ASB10: variants seen among roughly 807,000 people sequenced by gnomAD.
ASB10 encodes the protein ankyrin repeat and SOCS box containing 10.
A neutral mutation model predicts 35.4 loss-of-function variants in ASB10; 44 were observed. That is an observed-to-expected ratio of 1.24 (90% CI 0.98 to 1.60). ASB10 has a LOEUF of 1.60. Ranked by LOEUF, ASB10 falls within the 40% of genes most tolerant of loss-of-function variation. The probability of loss-of-function intolerance (pLI) is 0.00; values close to 1 mark genes in which losing one functional copy is unlikely to be tolerated. For missense variants in ASB10, 647 were observed against 634.3 expected, an observed-to-expected ratio of 1.02 and a Z score of -0.22; for synonymous variants, 294 against 280.4, an observed-to-expected ratio of 1.05 and a Z score of -0.49.
At chr7:151,186,212 C>A (rs1275077223) in intron 2 of ASB10, among the ~76,000 whole-genome samples, 180 bp downstream of exon 2, 2 of 152,186 alleles carry the variant, frequency 1.3e-5, no homozygotes, top group East Asian at 3.8e-4. Flanking sequence ...AAAGTCCAGG[C>A]CACTCCAAAG....
At chr7:151,179,616 G>A (rs1168708038) in intron 3 of ASB10, among the ~76,000 whole-genome samples, 3 of 152,222 alleles carry the variant, frequency 2.0e-5, no homozygotes, top group East Asian at 1.9e-4. Flanking sequence ...ACAGATGGGC[G>A]GTGGAGGCTT....
rs1554476795 is a variant in ASB10, at chr7:151,175,854, C to T, written c.*113G>A. 4.5e-5 allele frequency: 23 copies of T among 506,978 alleles called. No homozygotes were observed. The South Asian group carries it at 6.8e-4, about 15-fold the overall frequency. The allele number at this position is 506,978 out of a possible 1,614,324, so 31.4% of individuals were successfully genotyped here. A position where few individuals can be genotyped will look rare whatever the true frequency, so the allele number is the denominator to read the frequency against. On this transcript the variant is annotated 3_prime_UTR_variant, in exon 6 of 6. Coordinates refer to ENST00000420175, the MANE Select transcript of ASB10 (RefSeq NM_001142459.2). ...TGGGAATTGCAGCATCCACACCTGCCTGCGGAGCTGGGCCTCCTGCTGCCA... is the reference window on the plus strand; with the variant it reads ...TGGGAATTGCAGCATCCACACCTGCTTGCGGAGCTGGGCCTCCTGCTGCCA...
intron 3 of ASB10, among the ~76,000 whole-genome samples, chr7:151,178,440 C>A (rs576339914): frequency 6.6e-6 from 1 of 152,326 alleles, no homozygotes; most frequent in South Asian, 2.1e-4. Context: ...CACTAAGACA[C>A]CCGCTTGTGC....
In ASB10 at chr7:151,186,590, G is replaced by T. The variant is rs753950431; in HGVS notation, c.386C>A (p.Thr129Lys). The change falls in exon 2 of 6, where the codon ACG becomes AAG. Residue 129 changes from threonine (T) to lysine (K), a missense_variant. Thr to Lys is a moderately conservative substitution (Grantham distance 78, BLOSUM62 -1). Transcript: ENST00000420175. ...CCTCAGCAGCAGCCGCAGGACTTCCGTGTGGCCACGGCTGGCTGCCACATG... is the reference window on the plus strand; with the variant it reads ...CCTCAGCAGCAGCCGCAGGACTTCCTTGTGGCCACGGCTGGCTGCCACATG... ...PLHVAASRGH[T>K]EVLRLLLRRR... The T allele has an allele frequency of 1.9e-6, 3 of 1,609,464 alleles. No individual in the cohort carries two copies. Among genetic ancestry groups the T allele is most frequent in the Admixed American group, 1.7e-5 (1 of 59,568 alleles).
At chr7:151,180,194 G>A (rs1243631240) in intron 3 of ASB10, among the ~76,000 whole-genome samples, 2 of 152,226 alleles carry the variant, frequency 1.3e-5, no homozygotes, top group Non-Finnish European at 2.9e-5. Context: ...CATTATCTAT[G>A]CCCCTCCAGA....
chr7:151,186,752 C>G, intron 1 of ASB10, 63 bp downstream of exon 1: 6 of 1,532,838 alleles, frequency 3.9e-6, no homozygotes, highest in Non-Finnish European at 5.3e-6. Flanking sequence ...AAGAGGGAGC[C>G]CAGAGCTCCA....
chr7:151,187,422 G>T (rs1801622686), upstream of ASB10: 1 of 1,550,810 alleles, frequency 6.4e-7, no homozygotes, highest in Non-Finnish European at 8.7e-7. The surrounding 1 kb of genome is among the most constrained non-coding windows in gnomAD (Gnocchi z 5.3). Context: ...CCAGCCCCCT[G>T]GTTCTCAGCA....
intron 2 of ASB10, among the ~76,000 whole-genome samples, chr7:151,184,534 C>T (rs895888619): frequency 2.6e-5 from 4 of 152,176 alleles, no homozygotes; most frequent in Non-Finnish European, 5.9e-5. Context: ...GTGAGGTCCC[C>T]AGAGTGTTCA....
chr7:151,181,136 G>A lies in ASB10; in HGVS notation c.907C>T (p.Arg303Cys), dbSNP rs774168463. The change falls in exon 3 of 6, where the codon CGC becomes TGC. Residue 303 changes from arginine to cysteine, a missense_variant. Transcript: ENST00000420175. ...DKQRPLHLAC[R>C]RGHAAVVELL... is the part of the protein sequence containing the mutation. ...TCCACGACAGCTGCATGGCCACGGC[G>A]GCAGGCCAGGTGCAGGGGTCGCTGC... 9.9e-6 allele frequency: 16 copies of A among 1,611,446 alleles called. No homozygotes were observed. The highest frequency in any genetic ancestry group is 9.9e-5 in the South Asian group (9 of 91,030).
intron 5 of ASB10, 21 bp downstream of exon 5, chr7:151,176,091 C>T (rs1801380127): frequency 6.2e-7 from 1 of 1,608,320 alleles, no homozygotes; most frequent in Admixed American, 1.7e-5. Flanking sequence ...GCTGTGACTG[C>T]TCACAGATCC....
In ASB10 at chr7:151,176,667, G is replaced by A. The variant is rs62489646; in HGVS notation, c.1114C>T (p.Arg372Cys). 0.054 allele frequency: 84,463 copies of A among 1,550,106 alleles called. 2,567 individuals carry two copies. Among genetic ancestry groups the A allele is most frequent in the African/African-American group, 0.097 (7,056 of 73,056 alleles). ...WPGALPKVLE[R>C]WSTCPRTIEV... is the part of the protein sequence containing the mutation. ...ATGGTCCGAGGGCACGTGCTCCAGC[G>A]CTCCAGCACCTGTGGGAGGCAGAGG... The change falls in exon 4 of 6, where the codon CGC (arginine) becomes TGC (cysteine). Residue 372 changes from arginine to cysteine, a missense_variant. Physicochemically the swap from Arg to Cys is radical, Grantham distance 180. Coordinates refer to ENST00000420175, the MANE Select transcript of ASB10 (RefSeq NM_001142459.2).
intron 2 of ASB10, among the ~76,000 whole-genome samples, chr7:151,185,250 C>A (rs1271756151): frequency 6.6e-6 from 1 of 151,440 alleles, no homozygotes; most frequent in Non-Finnish European, 1.5e-5. Flanking sequence ...TCCCGAGTCG[C>A]TGGGATTACA....
chr7:151,184,513 A>G (rs535432117), intron 2 of ASB10, among the ~76,000 whole-genome samples: 29 of 152,298 alleles, frequency 1.9e-4, no homozygotes, highest in African/African-American at 7.0e-4. Flanking sequence ...ATACCACATG[A>G]TTCCACTTAT....
chr7:151,179,952 T>C (rs1447538068), intron 3 of ASB10, among the ~76,000 whole-genome samples: 1 of 152,234 alleles, frequency 6.6e-6, no homozygotes, highest in Non-Finnish European at 1.5e-5. Flanking sequence ...TGCCGAACTC[T>C]TGGGCTGTTT....
chr7:151,187,095 C>A lies in ASB10; in HGVS notation c.36G>T (p.Gly12=). The change falls in exon 1 of 6, where the codon GGG becomes GGT. Residue 12 remains glycine (G), a synonymous_variant. Transcript: ENST00000420175. The surrounding 1 kb of genome is among the most constrained non-coding windows in gnomAD (Gnocchi z 5.3). The part of the protein sequence containing the change: ...LMSWSPEECK[G]QGEPLDDRHP... ...GTCTGTCATCGAGGGGCTCTCCCTGCCCCTTGCACTCTTCTGGAGACCAAC... is the reference window on the plus strand; with the variant it reads ...GTCTGTCATCGAGGGGCTCTCCCTGACCCTTGCACTCTTCTGGAGACCAAC... 1 of 1,601,390 alleles carries A rather than the reference C, an allele frequency of 6.2e-7. No homozygotes were observed. Among genetic ancestry groups the A allele is most frequent in the South Asian group, 1.1e-5 (1 of 88,714 alleles).
chr7:151,186,700 C>T (rs756935283), intron 1 of ASB10, 41 bp from the exon 2 acceptor site: 1 of 1,569,848 alleles, frequency 6.4e-7, no homozygotes, highest in Admixed American at 1.8e-5. Context: ...CCAGGGAAGG[C>T]AGAGACCTTC....
chr7:151,186,482 T>C lies in ASB10; in HGVS notation c.494A>G (p.His165Arg). 6.3e-7 allele frequency: 1 copy of C among 1,599,814 alleles called. No homozygotes were observed. The highest frequency in any genetic ancestry group is 8.5e-7 in the Non-Finnish European group (1 of 1,173,510). Reference protein sequence around the residue: ...ACAAGHTACVHVLLVAGADPN... With the variant: ...ACAAGHTACVRVLLVAGADPN... ...GTCGGCTCCTGCCACCAGCAGCACA[T>C]GAACACAGGCAGTGTGGCCTGCAGC... is the stretch of plus-strand genomic sequence containing the variant. Residue 165 changes from histidine (H) to arginine (R), a missense_variant, in exon 2 of 6, where the codon CAT (histidine) becomes CGT (arginine). His to Arg is a conservative substitution (Grantham distance 29). Transcript: ENST00000420175.
chr7:151,185,128 T>TG (rs1328847742), intron 2 of ASB10, among the ~76,000 whole-genome samples: 1 of 150,018 alleles, frequency 6.7e-6, no homozygotes, highest in African/African-American at 2.5e-5. Context: ...TTTTTTTTTT[T>TG]TGTGAGACAA....
At chr7:151,176,917 CAG>C in intron 3 of ASB10, among the ~76,000 whole-genome samples, 1 of 152,278 alleles carries the variant, frequency 6.6e-6, no homozygotes, top group African/African-American at 2.4e-5. Context: ...GAAGAGAAAA[CAG>C]AGGCACAGAC....
Sources: allele counts gnomAD v4.1 joint callset (sites outside exome capture counted in the v4.1 genomes callset), GRCh38; gene constraint gnomAD v4.1.1; non-coding constraint Gnocchi (gnomAD v3.1); transcripts MANE v1.5; gene names NCBI Gene and HGNC (gene_info 2026-07-23, HGNC 2026-07-21).